PRMT8: variants seen among roughly 807,000 people sequenced by gnomAD.
PRMT8 encodes protein arginine N-methyltransferase 8.
Under a neutral mutation model 47.1 loss-of-function variants are expected in PRMT8, and 7 were observed. That is an observed-to-expected ratio of 0.15 (90% confidence interval 0.08 to 0.28). The LOEUF is 0.28. Ranked by LOEUF, PRMT8 falls within the 10% of genes least tolerant of loss-of-function variation. The pLI is 1.00. For missense variants in PRMT8, 237 were observed against 505.4 expected, an observed-to-expected ratio of 0.47 and a Z score of 5.09; for synonymous variants, 188 against 186.5, an observed-to-expected ratio of 1.01 and a Z score of -0.07.
At chr12:3,424,369 A>G (rs1483692276) in intron 1 of PRMT8, among the ~76,000 whole-genome samples, 1 of 152,162 alleles carries the variant, frequency 6.6e-6, no homozygotes, top group Non-Finnish European at 1.5e-5. Context: ...TTTTTTATCC[A>G]AGTGGCGCAA....
At chr12:3,591,405 CTCT>C (rs1295500584) in intron 8 of PRMT8, among the ~76,000 whole-genome samples, 1 of 123,832 alleles carries the variant, frequency 8.1e-6, no homozygotes, top group Non-Finnish European at 1.7e-5. Context: ...GCAGGGAAAG[CTCT>C]TTTTTTTTTT....
intron 1 of PRMT8, among the ~76,000 whole-genome samples, chr12:3,524,642 T>TAAAA (rs34644466): frequency 5.6e-5 from 5 of 89,286 alleles, no homozygotes; most frequent in Non-Finnish European, 9.0e-5. Context: ...CAAGACAATC[T>TAAAA]AAAAAAAAAA....
At chr12:3,430,278 G>A (rs545992288) in intron 1 of PRMT8, among the ~76,000 whole-genome samples, 8 of 152,294 alleles carry the variant, frequency 5.3e-5, no homozygotes, top group Non-Finnish European at 1.0e-4. Context: ...GATAACACAA[G>A]CAGTTAGGTC....
intron 1 of PRMT8, among the ~76,000 whole-genome samples, chr12:3,520,936 A>G (rs1399158459): frequency 2.6e-5 from 4 of 152,252 alleles, no homozygotes; most frequent in African/African-American, 9.6e-5. Context: ...TGCTCCCAGC[A>G]AAGATAGCCA....
intron 1 of PRMT8, among the ~76,000 whole-genome samples, chr12:3,528,272 T>G (rs1218314497): frequency 1.3e-5 from 2 of 152,162 alleles, no homozygotes; most frequent in Admixed American, 1.3e-4. Context: ...TTCCTTCAGG[T>G]GCTACAATTA....
intron 1 of PRMT8, among the ~76,000 whole-genome samples, chr12:3,472,009 A>G (rs1865167319): frequency 6.6e-6 from 1 of 152,100 alleles, no homozygotes. Flanking sequence ...AGAAGTCATG[A>G]TGCTCTCGGG....
intron 2 of PRMT8, among the ~76,000 whole-genome samples, chr12:3,548,377 A>G (rs1866362491): frequency 6.6e-6 from 1 of 152,202 alleles, no homozygotes; most frequent in Non-Finnish European, 1.5e-5. Flanking sequence ...AAGAAAAAAG[A>G]AAATGAAAAG....
At chr12:3,387,594 G>T (rs1188670594) in intron 1 of PRMT8, among the ~76,000 whole-genome samples, 1 of 152,096 alleles carries the variant, frequency 6.6e-6, no homozygotes, top group African/African-American at 2.4e-5. Flanking sequence ...CAAATCAAGA[G>T]ATCACCATCA....
chr12:3,547,934 AG>A lies in PRMT8; in HGVS notation c.262-1999del, dbSNP rs140955387. Among the ~76,000 whole-genome samples, 591 of 152,324 alleles carry A rather than the reference AG, an allele frequency of 3.9e-3. 5 individuals carry two copies. Among genetic ancestry groups the A allele is most frequent in the African/African-American group, 0.013 (548 of 41,572 alleles). Reference sequence around the variant, plus strand: ...TTCTAAAATTTATATAGAAATGCAAAGGGCCTAGAAAAATCAAAATAATCTT... The same window carrying A: ...TTCTAAAATTTATATAGAAATGCAAAGGCCTAGAAAAATCAAAATAATCTT... On this transcript the variant is annotated intron_variant, in intron 2 of 9. Transcript: ENST00000382622.
chr12:3,382,236 G>A (rs189252253), intron 1 of PRMT8, among the ~76,000 whole-genome samples: 61 of 152,278 alleles, frequency 4.0e-4, no homozygotes, highest in Non-Finnish European at 6.9e-4. Context: ...TCATTTCTCT[G>A]GAATAAATGC....
chr12:3,464,282 A>C (rs372104623), intron 1 of PRMT8, among the ~76,000 whole-genome samples: 6,081 of 149,002 alleles, frequency 0.041, 184 homozygotes, highest in Middle Eastern at 0.07. Flanking sequence ...AAAAAAAAAA[A>C]CAAACTGCAC....
rs1438776870 is a variant in PRMT8 at position 3,465,737 on chromosome 12, G to A, written c.49-74869G>A. On this transcript the variant is annotated intron_variant, in intron 1 of 9. Transcript: ENST00000452611. ...AACTTATAAGGTAATTACATGGGTG[G>A]GTTTGAGGACGACTTGAGGACCTTT... 2.5e-4 allele frequency among the ~76,000 whole-genome samples: 38 copies of A among 152,156 alleles called. 1 individual carries two copies. The highest frequency in any genetic ancestry group is 2.5e-3 in the Admixed American group (38 of 15,272).
Position 3,467,270 on chromosome 12 carries a change from G to A in PRMT8, c.49-73336G>A, listed in dbSNP as rs868119977. ...AAAAAAAAAAAAAAAAAAAAGAAAT[G>A]TGGCAGAAACATAAGATGAGTTCAC... On this transcript the variant is annotated intron_variant, in intron 1 of 9. Coordinates refer to the PRMT8 transcript ENST00000452611. 6.4e-4 allele frequency among the ~76,000 whole-genome samples: 82 copies of A among 128,900 alleles called. 1 individual carries two copies. The highest frequency in any genetic ancestry group is 2.2e-3 in the African/African-American group (78 of 36,172). 84.6% of individuals were successfully genotyped at this position (128,900 alleles called of 152,430 possible). A position where few individuals can be genotyped will look rare whatever the true frequency, so the allele number is the denominator to read the frequency against.
At chr12:3,386,315 C>T (rs1014551853) in intron 1 of PRMT8, among the ~76,000 whole-genome samples, 8 of 152,232 alleles carry the variant, frequency 5.3e-5, no homozygotes. Flanking sequence ...TAGGTGATTA[C>T]ATCACTAACA....
At chr12:3,579,290 C>T (rs1867007301) in intron 7 of PRMT8, among the ~76,000 whole-genome samples, 1 of 152,122 alleles carries the variant, frequency 6.6e-6, no homozygotes, top group African/African-American at 2.4e-5. Flanking sequence ...TTGCTCTCTG[C>T]CCCTGACCCA....
intron 1 of PRMT8, among the ~76,000 whole-genome samples, chr12:3,530,443 C>T (rs1009644739): frequency 6.6e-6 from 1 of 152,142 alleles, no homozygotes; most frequent in African/African-American, 2.4e-5. Flanking sequence ...AGATAATCTT[C>T]AGGAGACAAT....
chr12:3,389,803 G>T (rs991967573), intron 1 of PRMT8, among the ~76,000 whole-genome samples: 2 of 152,236 alleles, frequency 1.3e-5, no homozygotes, highest in African/African-American at 4.8e-5. Context: ...CTTTCCGTCT[G>T]CTAGTCTTCC....
intron 1 of PRMT8, among the ~76,000 whole-genome samples, chr12:3,518,889 A>G (rs1403352054): frequency 6.6e-6 from 1 of 152,238 alleles, no homozygotes; most frequent in Non-Finnish European, 1.5e-5. Flanking sequence ...TTTTGTGACT[A>G]AAAGCTGGGC....
At chr12:3,477,001 G>C (rs938962146) in intron 1 of PRMT8, among the ~76,000 whole-genome samples, 1 of 152,112 alleles carries the variant, frequency 6.6e-6, no homozygotes, top group African/African-American at 2.4e-5. Context: ...CTATTTGTAG[G>C]GTCAGCCTGG....
Sources: allele counts gnomAD v4.1 joint callset (sites outside exome capture counted in the v4.1 genomes callset), GRCh38; gene constraint gnomAD v4.1.1; transcripts MANE v1.5; gene names NCBI Gene and HGNC (gene_info 2026-07-23, HGNC 2026-07-21).